MARCHF1: variants seen among roughly 807,000 people sequenced by gnomAD.
The protein encoded by MARCHF1 is E3 ubiquitin-protein ligase MARCHF1.
A neutral mutation model predicts 54.2 loss-of-function variants in MARCHF1; 40 were observed. The ratio of observed to expected loss-of-function variants is 0.74; its 90% CI spans 0.57 to 0.96. MARCHF1 has a LOEUF of 0.96. Among genes scored for constraint, MARCHF1 ranks in the 40% least tolerant of loss-of-function variants. The probability of loss-of-function intolerance (pLI) is 0.00; values close to 1 mark genes in which losing one functional copy is unlikely to be tolerated. For synonymous variants in MARCHF1, 236 were observed against 236.3 expected, an observed-to-expected ratio of 1.00 and a Z score of 0.01; for missense variants, 586 against 656.5, an observed-to-expected ratio of 0.89 and a Z score of 1.17.
At chr4:163,723,402 C>A (rs977222602) in intron 4 of MARCHF1, among the ~76,000 whole-genome samples, 1 of 152,214 alleles carries the variant, frequency 6.6e-6, no homozygotes, top group African/African-American at 2.4e-5. Context: ...AGCTGTTAGT[C>A]TGGTGGGCTT....
intron 3 of MARCHF1, among the ~76,000 whole-genome samples, chr4:163,896,996 C>A (rs191494297): frequency 6.6e-6 from 1 of 152,294 alleles, no homozygotes; most frequent in East Asian, 1.9e-4. Flanking sequence ...GCTCTTATCT[C>A]ATTGCTCATT....
At chr4:163,639,124 G>A (rs36007543) in intron 5 of MARCHF1, among the ~76,000 whole-genome samples, 47,386 of 151,998 alleles carry the variant, frequency 0.31, 8,364 homozygotes, top group Non-Finnish European at 0.4. Context: ...ACAACAATGT[G>A]AATGTACTTA....
intron 7 of MARCHF1, among the ~76,000 whole-genome samples, chr4:163,598,061 C>T (rs978616540): frequency 4.6e-5 from 7 of 152,136 alleles, no homozygotes; most frequent in African/African-American, 1.7e-4. Context: ...TGTTTCATGT[C>T]AGCTATGGTA....
chr4:164,188,565 G>A (rs1186963858), intron 1 of MARCHF1: 11 of 772,198 alleles, frequency 1.4e-5, no homozygotes, highest in Admixed American at 1.2e-4. Context: ...CGCATCACGC[G>A]GTCCTATGTG....
intron 1 of MARCHF1, among the ~76,000 whole-genome samples, chr4:164,144,953 G>A (rs1406046130): frequency 7.6e-6 from 1 of 130,750 alleles, no homozygotes; most frequent in Non-Finnish European, 1.5e-5. Context: ...AAAGAGAGAA[G>A]AATCAAATAG....
chr4:163,888,570 G>A (rs1750589031), intron 3 of MARCHF1, among the ~76,000 whole-genome samples: 1 of 152,090 alleles, frequency 6.6e-6, no homozygotes, highest in East Asian at 1.9e-4. Flanking sequence ...TGCATTTTGA[G>A]TATTCTTGTT....
intron 1 of MARCHF1, among the ~76,000 whole-genome samples, chr4:164,160,166 CAT>C (rs1044548877): frequency 2.6e-5 from 4 of 152,216 alleles, no homozygotes; most frequent in African/African-American, 7.2e-5. Context: ...GAAATACAGT[CAT>C]GTGTCACTTA....
chr4:164,208,385 G>A (rs1731671573), intron 1 of MARCHF1, among the ~76,000 whole-genome samples: 1 of 152,188 alleles, frequency 6.6e-6, no homozygotes, highest in Admixed American at 6.5e-5. Flanking sequence ...TGGGAAGTAT[G>A]AGCTTTATTT....
At chr4:163,961,971 G>T (rs1215388086) in intron 3 of MARCHF1, among the ~76,000 whole-genome samples, 1 of 151,932 alleles carries the variant, frequency 6.6e-6, no homozygotes, top group East Asian at 1.9e-4. Context: ...GGACAAAGTG[G>T]ACAATTTTAA....
intron 1 of MARCHF1, among the ~76,000 whole-genome samples, chr4:164,181,434 G>A (rs938538932): frequency 2.0e-5 from 3 of 152,068 alleles, no homozygotes; most frequent in African/African-American, 7.2e-5. Context: ...GGCATAATAA[G>A]TTATATTAAC....
intron 1 of MARCHF1, among the ~76,000 whole-genome samples, chr4:164,337,401 C>G (rs938543869): frequency 6.6e-6 from 1 of 152,252 alleles, no homozygotes; most frequent in African/African-American, 2.4e-5. Context: ...CTCCCCTGGG[C>G]TCTGCCCACA....
intron 1 of MARCHF1, among the ~76,000 whole-genome samples, chr4:164,228,407 T>C (rs908085746): frequency 1.3e-5 from 2 of 152,208 alleles, no homozygotes; most frequent in Admixed American, 6.5e-5. Flanking sequence ...AGCTTTATTC[T>C]TGGTTGATTA....
intron 1 of MARCHF1, among the ~76,000 whole-genome samples, chr4:164,271,783 C>T (rs1733751155): frequency 6.6e-6 from 1 of 151,894 alleles, no homozygotes; most frequent in South Asian, 2.1e-4. Context: ...CCAAGAAAAA[C>T]AAACATTAAG....
At chr4:164,373,197 G>A (rs964062544) in intron 1 of MARCHF1, among the ~76,000 whole-genome samples, 3 of 152,056 alleles carry the variant, frequency 2.0e-5, no homozygotes, top group Admixed American at 6.6e-5. Flanking sequence ...TAACACTAAC[G>A]TTAAGCAATT....
At chr4:164,100,307 G>C (rs1050313781) in intron 2 of MARCHF1, among the ~76,000 whole-genome samples, 1 of 152,218 alleles carries the variant, frequency 6.6e-6, no homozygotes, top group Non-Finnish European at 1.5e-5. Context: ...CTCATTAAGA[G>C]AGTCAACTCA....
chr4:163,854,271 T>C (rs1749711116), intron 3 of MARCHF1, 102 bp from the exon 4 acceptor site: 2 of 890,796 alleles, frequency 2.2e-6, no homozygotes, highest in South Asian at 2.1e-5. Context: ...AAAACACTAA[T>C]TGAGACTTTT....
At chr4:163,827,004 T>C (rs1220220739) in intron 4 of MARCHF1, among the ~76,000 whole-genome samples, 3 of 152,028 alleles carry the variant, frequency 2.0e-5, no homozygotes, top group African/African-American at 7.2e-5. Context: ...CTCTGCGCAA[T>C]TAACGACTAC....
intron 3 of MARCHF1, among the ~76,000 whole-genome samples, chr4:163,882,805 C>CA (rs1462327029): frequency 6.6e-6 from 1 of 151,900 alleles, no homozygotes; most frequent in Non-Finnish European, 1.5e-5. Flanking sequence ...CTCATCTCTA[C>CA]AAAAAATACA....
chr4:163,897,729 T>G (rs1241161471), intron 3 of MARCHF1, among the ~76,000 whole-genome samples: 3 of 152,068 alleles, frequency 2.0e-5, no homozygotes, highest in Non-Finnish European at 4.4e-5. Context: ...TCAAGATGGA[T>G]TAAAGATTTA....
Sources: allele counts gnomAD v4.1 joint callset (sites outside exome capture counted in the v4.1 genomes callset), GRCh38; gene constraint gnomAD v4.1.1; transcripts MANE v1.5; gene names NCBI Gene and HGNC (gene_info 2026-07-23, HGNC 2026-07-21).